The following ARHGEF28 variants were observed in gnomAD, a reference collection of about 807,000 sequenced individuals.
ARHGEF28 encodes the protein Rho guanine nucleotide exchange factor 28.
In ARHGEF28, 152 loss-of-function variants were observed where a neutral mutation model predicts 206.6. The ratio of observed to expected loss-of-function variants is 0.74; its 90% CI spans 0.64 to 0.84. The LOEUF (loss-of-function observed/expected upper bound fraction) is 0.84, where lower values mean the gene tolerates loss of function less well. Ranked by LOEUF, ARHGEF28 falls within the 40% of genes least tolerant of loss-of-function variation. The probability of loss-of-function intolerance (pLI) is 0.00; values close to 1 mark genes in which losing one functional copy is unlikely to be tolerated. For synonymous variants in ARHGEF28, 763 were observed against 776.4 expected (o/e 0.98, Z 0.29); for missense variants, 2,028 against 2,073.2 (o/e 0.98, Z 0.42).
chr5:73,878,928 C>CCT (rs2067246378), intron 22 of ARHGEF28, among the ~76,000 whole-genome samples: 1 of 151,956 alleles, frequency 6.6e-6, no homozygotes, highest in Admixed American at 6.6e-5. Context: ...TCGAGGAGTA[C>CCT]CTTTGTGGCG....
chr5:73,878,413 A>G (rs1204093532), intron 22 of ARHGEF28, among the ~76,000 whole-genome samples: 1 of 151,840 alleles, frequency 6.6e-6, no homozygotes, highest in Non-Finnish European at 1.5e-5. Context: ...TGGAGCATTT[A>G]GTCCATTTAC....
chr5:73,663,968 A>G (rs964117390), intron 1 of ARHGEF28, among the ~76,000 whole-genome samples: 1 of 152,224 alleles, frequency 6.6e-6, no homozygotes, highest in African/African-American at 2.4e-5. Context: ...ACCTTTCACC[A>G]GTGAAACCAT....
intron 2 of ARHGEF28, among the ~76,000 whole-genome samples, chr5:73,720,566 G>A (rs1318005942): frequency 6.6e-6 from 1 of 152,044 alleles, no homozygotes; most frequent in Non-Finnish European, 1.5e-5. Flanking sequence ...TGCAAGAGGA[G>A]GAAGGGGAAT....
chr5:73,845,163 G>A (rs1001154843), intron 11 of ARHGEF28, among the ~76,000 whole-genome samples: 1 of 151,840 alleles, frequency 6.6e-6, no homozygotes, highest in African/African-American at 2.4e-5. Flanking sequence ...GATTACAGGT[G>A]CCTGCCACAA....
chr5:73,897,359 A>C (rs576489106), intron 29 of ARHGEF28, among the ~76,000 whole-genome samples: 98 of 152,282 alleles, frequency 6.4e-4, no homozygotes, highest in Admixed American at 1.6e-3. Flanking sequence ...CAAATGCCCA[A>C]TATCCCCTAG....
rs545650498 is a variant in ARHGEF28 at position 73,921,470 on chromosome 5, GGATAA to G, written c.4948+9900_4948+9904del. Among the ~76,000 whole-genome samples the G allele has an allele frequency of 2.0e-3, 304 of 152,216 alleles. 1 individual carries two copies. Among genetic ancestry groups the G allele is most frequent in the Non-Finnish European group, 3.7e-3 (255 of 68,006 alleles). On this transcript the variant is annotated intron_variant, in intron 35 of 35. Coordinates refer to ENST00000513042, the MANE Select transcript of ARHGEF28 (RefSeq NM_001177693.2). ...GGGCCACAGTATCCATTCTCTTTCT[GGATAA>G]GATATTAATTCAGTTTAATTTGAAA...
chr5:73,758,430 G>A (rs1410664009), intron 4 of ARHGEF28, among the ~76,000 whole-genome samples: 1 of 152,226 alleles, frequency 6.6e-6, no homozygotes, highest in Non-Finnish European at 1.5e-5. Context: ...TCTTCCAGTT[G>A]TCTAGGTAAA....
intron 2 of ARHGEF28, among the ~76,000 whole-genome samples, chr5:73,700,191 T>C (rs1176197331): frequency 2.0e-5 from 3 of 152,216 alleles, no homozygotes; most frequent in Non-Finnish European, 4.4e-5. Flanking sequence ...TGGAAAGATA[T>C]CTATGAAATA....
intron 30 of ARHGEF28, chr5:73,898,312 TTGG>T: frequency 2.2e-6 from 1 of 453,530 alleles, no homozygotes; most frequent in Admixed American, 3.6e-5. Context: ...TAAAGAGTAG[TTGG>T]TGGGTTATAC....
rs180776043 is a variant in ARHGEF28 at position 73,864,830 on chromosome 5, T to C, written c.2061T>C (p.Asn687=). ...ESLQCSNCNA[N]VHKGCKDAAP... ...CCTTTATTTCAGACTGTAATGCAAA[T>C]GTGCACAAAGGTTGTAAAGATGCTG... The change falls in exon 17 of 36, where the codon AAT becomes AAC. Residue 687 remains asparagine (N), a synonymous_variant. Transcript: ENST00000513042. 283 of 1,612,990 alleles carry C rather than the reference T, an allele frequency of 1.8e-4. 1 individual carries two copies. The African/African-American group carries it at 3.2e-3, about 18-fold the overall frequency.
chr5:73,722,913 G>A (rs779942370), intron 2 of ARHGEF28, among the ~76,000 whole-genome samples: 11 of 152,150 alleles, frequency 7.2e-5, no homozygotes, highest in Non-Finnish European at 1.2e-4. Context: ...AATTTAGACC[G>A]TCATCTTGAG....
In ARHGEF28 at chr5:73,916,995, A is replaced by G. The variant is rs186127093; in HGVS notation, c.4948+5420A>G. ...ATCAAGCCTAGTTCAACACATAGAAATTAAGGCAGGAATATTGAATCCATT... is the reference window on the plus strand; with the variant it reads ...ATCAAGCCTAGTTCAACACATAGAAGTTAAGGCAGGAATATTGAATCCATT... On this transcript the variant is annotated intron_variant, in intron 35 of 35. Transcript: ENST00000513042. 1.4e-3 allele frequency among the ~76,000 whole-genome samples: 211 copies of G among 152,330 alleles called. 1 individual carries two copies. Among genetic ancestry groups the G allele is most frequent in the Non-Finnish European group, 1.6e-3 (110 of 68,030 alleles).
chr5:73,900,177 G>C (rs1409325246), intron 30 of ARHGEF28: 1 of 152,172 alleles, frequency 6.6e-6, no homozygotes. Context: ...TGAAATCCTA[G>C]AGGACTCTCA....
At chr5:73,880,959 G>A (rs1385347264) in intron 22 of ARHGEF28, among the ~76,000 whole-genome samples, 1 of 151,188 alleles carries the variant, frequency 6.6e-6, no homozygotes, top group African/African-American at 2.4e-5. Flanking sequence ...TGTACAGTTT[G>A]TTGTTTTACA....
At chr5:73,919,220 GT>G (rs1763385903) in intron 35 of ARHGEF28, among the ~76,000 whole-genome samples, 2 of 152,096 alleles carry the variant, frequency 1.3e-5, no homozygotes. Context: ...AAGTGAAAGT[GT>G]TTCCTAAACG....
intron 1 of ARHGEF28, among the ~76,000 whole-genome samples, chr5:73,683,089 C>T (rs751026488): frequency 7.2e-5 from 11 of 152,038 alleles, no homozygotes; most frequent in African/African-American, 1.4e-4. Flanking sequence ...ATACCTGGCC[C>T]GCAGTTGGTG....
chr5:73,879,254 G>A (rs1026309720), intron 22 of ARHGEF28, among the ~76,000 whole-genome samples: 6 of 152,050 alleles, frequency 3.9e-5, no homozygotes, highest in Non-Finnish European at 5.9e-5. Flanking sequence ...TGTAGTTCTC[G>A]AGCCTTGGCT....
intron 14 of ARHGEF28, among the ~76,000 whole-genome samples, chr5:73,857,178 C>T (rs190469358): frequency 3.9e-5 from 6 of 152,208 alleles, no homozygotes; most frequent in East Asian, 1.9e-4. Context: ...AGAGGAAACA[C>T]GTGTCTACTG....
intron 34 of ARHGEF28, among the ~76,000 whole-genome samples, 162 bp downstream of exon 34, chr5:73,910,059 A>G (rs188107871): frequency 1.3e-5 from 2 of 152,274 alleles, no homozygotes; most frequent in Non-Finnish European, 2.9e-5. Context: ...GCTTTCAGAG[A>G]TAACGCATAT....
Sources: allele counts gnomAD v4.1 joint callset (sites outside exome capture counted in the v4.1 genomes callset), GRCh38; gene constraint gnomAD v4.1.1; transcripts MANE v1.5; gene names NCBI Gene and HGNC (gene_info 2026-07-23, HGNC 2026-07-21).